The following SGCD variants were observed in gnomAD, a reference collection of about 807,000 sequenced individuals.
SGCD encodes the protein delta-sarcoglycan.
A neutral mutation model predicts 36.6 loss-of-function variants in SGCD; 18 were observed. The observed-to-expected ratio is 0.49, with a 90% CI of 0.34 to 0.73. SGCD has a LOEUF of 0.73. Among genes scored for constraint, SGCD ranks in the 30% least tolerant of loss-of-function variants. The probability of loss-of-function intolerance (pLI) is 0.01; values close to 1 mark genes in which losing one functional copy is unlikely to be tolerated. For missense variants in SGCD, 387 were observed against 346.7 expected (o/e 1.12, Z -0.92); for synonymous variants, 133 against 130.6 (o/e 1.02, Z -0.12).
At chr5:156,450,551 A>AAAAGG (rs1468804900) in intron 3 of SGCD, among the ~76,000 whole-genome samples, 1 of 150,918 alleles carries the variant, frequency 6.6e-6, no homozygotes, top group Non-Finnish European at 1.5e-5. Flanking sequence ...AAAAAAAAAG[A>AAAAGG]AAAGAAAAAA....
intron 3 of SGCD, among the ~76,000 whole-genome samples, chr5:156,231,470 A>T (rs1014351161): frequency 2.0e-5 from 3 of 152,178 alleles, no homozygotes. Flanking sequence ...TGGAAGGCGG[A>T]GGTTGCAGTG....
At chr5:156,293,838 A>G (rs1766823338) in intron 3 of SGCD, among the ~76,000 whole-genome samples, 1 of 152,062 alleles carries the variant, frequency 6.6e-6, no homozygotes, top group South Asian at 2.1e-4. Flanking sequence ...AAATTTTTCT[A>G]CTGCAAGAAA....
chr5:155,778,482 A>C, the SGCD span, among the ~76,000 whole-genome samples: 25 of 152,208 alleles, frequency 1.6e-4, no homozygotes, highest in Non-Finnish European at 3.4e-4. Flanking sequence ...CCCCCCATAC[A>C]GCAGTGCTAA....
the SGCD span, among the ~76,000 whole-genome samples, chr5:155,807,951 G>T: frequency 3.3e-5 from 5 of 152,330 alleles, 1 homozygote; most frequent in African/African-American, 1.2e-4. Flanking sequence ...TACTAGAGAT[G>T]AAATAGTACC....
intron 3 of SGCD, among the ~76,000 whole-genome samples, chr5:156,250,368 T>A (rs1342061508): frequency 6.6e-6 from 1 of 152,122 alleles, no homozygotes; most frequent in African/African-American, 2.4e-5. Context: ...ACTGAAAAAA[T>A]TTAATGAGGC....
At chr5:155,835,059 G>C in the SGCD span, among the ~76,000 whole-genome samples, 1 of 126,282 alleles carries the variant, frequency 7.9e-6, no homozygotes, top group African/African-American at 2.9e-5. Context: ...CCAGGCTAGA[G>C]AGCAGTGACG....
intron 1 of SGCD, among the ~76,000 whole-genome samples, chr5:155,906,168 C>T (rs1327715687): frequency 6.6e-6 from 1 of 151,896 alleles, no homozygotes; most frequent in Non-Finnish European, 1.5e-5. Flanking sequence ...TTTCGGGTAC[C>T]ATAAATCATG....
intron 4 of SGCD, among the ~76,000 whole-genome samples, chr5:156,557,834 G>A (rs1003503524): frequency 4.6e-5 from 7 of 151,926 alleles, no homozygotes; most frequent in Admixed American, 3.9e-4. Flanking sequence ...ATTACTGCAT[G>A]TATCTTATAT....
chr5:156,746,941 T>C (rs566243447), intron 7 of SGCD, among the ~76,000 whole-genome samples: 3 of 152,216 alleles, frequency 2.0e-5, no homozygotes, highest in African/African-American at 7.2e-5. Context: ...AACTCATAGA[T>C]TGGGAGAAAA....
chr5:156,707,248 T>G (rs1178187234), intron 7 of SGCD, among the ~76,000 whole-genome samples: 5 of 152,202 alleles, frequency 3.3e-5, no homozygotes. Flanking sequence ...AGGGTGGCAT[T>G]TTAGTACATA....
At position 156,588,670 on chromosome 5, in the gene SGCD, C is replaced by T. The variant is rs556617120; in HGVS notation, c.295-561C>T. Among the ~76,000 whole-genome samples, 5 of 152,230 alleles carry T rather than the reference C, an allele frequency of 3.3e-5. No individual in the cohort carries two copies. In the South Asian group the frequency reaches 8.3e-4, roughly 25 times the overall value. On this transcript the variant is annotated intron_variant, in intron 4 of 8. Coordinates refer to ENST00000337851, the MANE Select transcript of SGCD (RefSeq NM_000337.6). ...TCTGGAGACAAGAAAAGGAAGAAAA[C>T]GGAGGCAGAAGCATACTTGGGGACA...
Position 156,423,421 on chromosome 5 carries a change from TTTTAATAAAA to T in SGCD, c.192+78746_192+78755del, listed in dbSNP as rs1377623104. On this transcript the variant is annotated intron_variant, in intron 3 of 8. Transcript: ENST00000337851. Reference sequence around the variant, plus strand: ...TTTTATTATAATATAATATATTATATTTTAATAAAATATAATATATTTATTTTATTATAAT... The same window carrying T: ...TTTTATTATAATATAATATATTATATTATAATATATTTATTTTATTATAAT... 1.1e-3 allele frequency among the ~76,000 whole-genome samples: 135 copies of T among 118,728 alleles called. 15 individuals carry two copies. The highest frequency in any genetic ancestry group is 1.9e-3 in the Non-Finnish European group (113 of 59,502). The allele number at this position is 118,728 out of a possible 152,430, so 77.9% of individuals were successfully genotyped here.
Position 156,054,409 on chromosome 5 carries a change from C to G in SGCD, c.-281-63469C>G, listed in dbSNP as rs1003635574. Among the ~76,000 whole-genome samples the G allele has an allele frequency of 4.2e-5, 6 of 143,918 alleles. 1 individual carries two copies. Among genetic ancestry groups the G allele is most frequent in the Non-Finnish European group, 3.1e-5 (2 of 64,028 alleles). The allele number at this position is 143,918 out of a possible 152,430, so 94.4% of individuals were successfully genotyped here. A position where few individuals can be genotyped will look rare whatever the true frequency, so the allele number is the denominator to read the frequency against. On this transcript the variant is annotated intron_variant, in intron 1 of 9. Transcript: ENST00000517913. Reference sequence around the variant, plus strand: ...CACGCCATTCTCCTGCCTCAGCCTCCCAACTACCTGGGACTACAGGCACCC... The same window carrying G: ...CACGCCATTCTCCTGCCTCAGCCTCGCAACTACCTGGGACTACAGGCACCC...
At position 156,512,206 on chromosome 5, in the gene SGCD, A is replaced by G. The variant is rs910801432; in HGVS notation, c.294+3504A>G. ...GACTCTGTCTCAAAAAAAAAAAAAA[A>G]AAAAAAAGGAACAATTGACTGTTTT... On this transcript the variant is annotated intron_variant, in intron 4 of 8. Transcript: ENST00000337851. Among the ~76,000 whole-genome samples, 34 of 151,880 alleles carry G rather than the reference A, an allele frequency of 2.2e-4. 1 individual carries two copies. The highest frequency in any genetic ancestry group is 8.2e-4 in the African/African-American group (34 of 41,386).
chr5:156,484,993 T>C (rs919837192), intron 3 of SGCD, among the ~76,000 whole-genome samples: 2 of 152,224 alleles, frequency 1.3e-5, no homozygotes, highest in African/African-American at 4.8e-5. Context: ...GAGGAATATC[T>C]GCCATATAAC....
At chr5:156,587,304 C>T (rs890867375) in intron 4 of SGCD, among the ~76,000 whole-genome samples, 8 of 152,240 alleles carry the variant, frequency 5.3e-5, no homozygotes, top group Admixed American at 1.3e-4. Context: ...TGTGCTGTCT[C>T]GTGGTTTTCA....
At chr5:156,743,885 C>T (rs527878961) in intron 7 of SGCD, among the ~76,000 whole-genome samples, 1 of 152,192 alleles carries the variant, frequency 6.6e-6, no homozygotes, top group African/African-American at 2.4e-5. Context: ...AAAAGTAGAA[C>T]TTATATAATT....
intron 3 of SGCD, among the ~76,000 whole-genome samples, chr5:156,237,991 A>C (rs1026195662): frequency 6.6e-6 from 1 of 151,362 alleles, no homozygotes; most frequent in Non-Finnish European, 1.5e-5. Flanking sequence ...TCTGTTGCCC[A>C]GGCTGTATTG....
the SGCD span, among the ~76,000 whole-genome samples, chr5:155,774,261 T>C: frequency 6.6e-6 from 1 of 152,146 alleles, no homozygotes; most frequent in Admixed American, 6.5e-5. Context: ...TTCACAATTT[T>C]CAGCAATTTC....
Sources: allele counts gnomAD v4.1 joint callset (sites outside exome capture counted in the v4.1 genomes callset), GRCh38; gene constraint gnomAD v4.1.1; transcripts MANE v1.5; gene names NCBI Gene and HGNC (gene_info 2026-07-23, HGNC 2026-07-21).